GRM8: variants seen among roughly 807,000 people sequenced by gnomAD.
GRM8 encodes the protein metabotropic glutamate receptor 8.
GRM8 carries 47 observed loss-of-function variants against 87.2 expected under a neutral mutation model. The ratio of observed to expected loss-of-function variants is 0.54; its 90% confidence interval spans 0.43 to 0.69. The LOEUF is 0.69. Among genes scored for constraint, GRM8 ranks in the 30% least tolerant of loss-of-function variants. The probability of loss-of-function intolerance (pLI) is 0.00; values close to 1 mark genes in which losing one functional copy is unlikely to be tolerated. For missense variants in GRM8, 1,019 were observed against 1,139.2 expected, an observed-to-expected ratio of 0.89 and a Z score of 1.52; for synonymous variants, 396 against 404.5, an observed-to-expected ratio of 0.98 and a Z score of 0.25.
intron 7 of GRM8, among the ~76,000 whole-genome samples, chr7:126,656,277 G>A (rs1000885814): frequency 6.6e-6 from 1 of 152,190 alleles, no homozygotes; most frequent in African/African-American, 2.4e-5. Context: ...ATGTGAAGGA[G>A]GGGCTTAGGC....
chr7:126,594,042 G>C (rs776587826), intron 8 of GRM8, among the ~76,000 whole-genome samples: 1 of 151,978 alleles, frequency 6.6e-6, no homozygotes, highest in Non-Finnish European at 1.5e-5. Context: ...AAACCATAAT[G>C]AGGTATCACT....
intron 2 of GRM8, among the ~76,000 whole-genome samples, chr7:127,125,730 C>T (rs1827325769): frequency 1.4e-5 from 2 of 145,260 alleles, no homozygotes. Context: ...ATCAGGGGAC[C>T]AATATCCAGA....
Position 126,461,195 on chromosome 7 carries a change from ACAG to A in GRM8, c.2431-14826_2431-14824del, listed in dbSNP as rs376964918. Among the ~76,000 whole-genome samples the A allele has an allele frequency of 9.2e-5, 14 of 151,622 alleles. No homozygotes were observed. In the East Asian group the frequency reaches 2.5e-3, roughly 27 times the overall value. The stretch of plus-strand genomic sequence containing the variant: ...GCCCTGTGTTCTGTTGAGAATAAGG[ACAG>A]CAGATTACTCCTCTAATCACCAGTC... On this transcript the variant is annotated intron_variant, in intron 9 of 10. Transcript: ENST00000339582.
At chr7:126,925,712 A>G (rs1387208164) in intron 3 of GRM8, among the ~76,000 whole-genome samples, 1 of 152,172 alleles carries the variant, frequency 6.6e-6, no homozygotes, top group Non-Finnish European at 1.5e-5. Flanking sequence ...AGAACATTTG[A>G]TTTTGAACCT....
intron 6 of GRM8, among the ~76,000 whole-genome samples, chr7:126,898,988 T>A (rs897617894): frequency 1.3e-5 from 2 of 151,584 alleles, no homozygotes; most frequent in African/African-American, 4.9e-5. Flanking sequence ...GTCCATATGT[T>A]CTCATTGTTC....
chr7:127,251,118 TAGGGGACTTA>T (rs1200863974), intron 1 of GRM8: 3 of 152,148 alleles, frequency 2.0e-5, no homozygotes, highest in Non-Finnish European at 4.4e-5. Flanking sequence ...GGGACTTGCT[TAGGGGACTTA>T]AGGGTTTCTG....
At chr7:126,929,210 A>G (rs1805476177) in intron 3 of GRM8, among the ~76,000 whole-genome samples, 1 of 152,230 alleles carries the variant, frequency 6.6e-6, no homozygotes, top group Non-Finnish European at 1.5e-5. Flanking sequence ...AAAATAAGAT[A>G]GTCCAATGCC....
intron 2 of GRM8, among the ~76,000 whole-genome samples, chr7:127,241,464 T>C (rs1299460818): frequency 5.3e-5 from 8 of 150,816 alleles, no homozygotes; most frequent in African/African-American, 1.7e-4. Context: ...GACAGAGTCT[T>C]GCTCTGTTGC....
At position 126,775,479 on chromosome 7, in the gene GRM8, GTTTTT is replaced by G. The variant is rs372733476; in HGVS notation, c.1157-5419_1157-5415del. On this transcript the variant is annotated intron_variant, in intron 6 of 10. Transcript: ENST00000339582. ...TGAGCGCTATCAAGCTGACAAATAG[GTTTTT>G]TTTTTTTTTTTTTTTTTTTTTTTTA... Among the ~76,000 whole-genome samples the G allele has an allele frequency of 4.6e-3, 486 of 104,746 alleles. 5 individuals carry two copies. Among genetic ancestry groups the G allele is most frequent in the African/African-American group, 0.02 (456 of 23,046 alleles). 68.7% of individuals were successfully genotyped at this position (104,746 alleles called of 152,430 possible).
intron 7 of GRM8, among the ~76,000 whole-genome samples, chr7:126,699,650 T>G (rs931845610): frequency 6.6e-6 from 1 of 152,170 alleles, no homozygotes; most frequent in African/African-American, 2.4e-5. Context: ...TCTCCACCCC[T>G]GGAGCAATGG....
chr7:127,012,851 T>C (rs1020192158), intron 3 of GRM8, among the ~76,000 whole-genome samples: 1 of 152,202 alleles, frequency 6.6e-6, no homozygotes, highest in Non-Finnish European at 1.5e-5. Flanking sequence ...TTCCATTGTT[T>C]CTATCACAAA....
At chr7:127,251,811 G>C (rs1798891606) in intron 1 of GRM8, among the ~76,000 whole-genome samples, 1 of 152,120 alleles carries the variant, frequency 6.6e-6, no homozygotes, top group Non-Finnish European at 1.5e-5. Context: ...AGATCCCCGA[G>C]ACCTTTTCTC....
intron 8 of GRM8, among the ~76,000 whole-genome samples, chr7:126,608,744 C>T (rs1274335990): frequency 1.3e-5 from 2 of 149,666 alleles, no homozygotes; most frequent in African/African-American, 2.5e-5. Context: ...TGTGATGTGG[C>T]AAAAGTGATG....
chr7:126,976,361 C>T (rs1292561975), intron 3 of GRM8, among the ~76,000 whole-genome samples: 8 of 152,176 alleles, frequency 5.3e-5, no homozygotes, highest in South Asian at 2.1e-4. Flanking sequence ...TTTGGGAGGC[C>T]GAAGGGGGCG....
chr7:127,182,786 T>C (rs963942730), intron 2 of GRM8, among the ~76,000 whole-genome samples: 2 of 151,466 alleles, frequency 1.3e-5, no homozygotes, highest in African/African-American at 4.8e-5. Flanking sequence ...CTAAATGAAG[T>C]AACTCAAGAA....
rs913950101 is a variant in GRM8, at chr7:126,840,953, T to C, written c.1156+61589A>G. 2.0e-5 allele frequency among the ~76,000 whole-genome samples: 3 copies of C among 152,194 alleles called. No individual in the cohort carries two copies. The South Asian group carries it at 6.2e-4, about 31-fold the overall frequency. On this transcript the variant is annotated intron_variant, in intron 6 of 10. Coordinates refer to ENST00000339582, the MANE Select transcript of GRM8 (RefSeq NM_000845.3). Reference sequence around the variant, plus strand: ...ATTTTTGTGCAAATAGACATGTATATAAAGATTAAAGGCTCTGACAGAGCC... The same window carrying C: ...ATTTTTGTGCAAATAGACATGTATACAAAGATTAAAGGCTCTGACAGAGCC...
chr7:127,012,370 A>G (rs755353946), intron 3 of GRM8, among the ~76,000 whole-genome samples: 21 of 152,154 alleles, frequency 1.4e-4, no homozygotes, highest in Non-Finnish European at 1.3e-4. Context: ...AAAGAAGAGC[A>G]AGTCTCTCAG....
rs1442916746 is a variant in GRM8, at chr7:126,853,623, C to T, written c.1156+48919G>A. On this transcript the variant is annotated intron_variant, in intron 6 of 10. Transcript: ENST00000339582. ...TATAGACTTAAATTCGATATCATTG[C>T]ACCTTGATGAGCAACAAGTAGCTTA... 3.3e-5 allele frequency among the ~76,000 whole-genome samples: 5 copies of T among 151,516 alleles called. No homozygotes were observed. The East Asian group carries it at 9.7e-4, about 29-fold the overall frequency.
intron 3 of GRM8, among the ~76,000 whole-genome samples, chr7:127,027,506 T>A (rs779783742): frequency 1.5e-4 from 23 of 152,326 alleles, no homozygotes; most frequent in African/African-American, 5.0e-4. Flanking sequence ...TCTCTTTTAC[T>A]TCATCGATCA....
Sources: allele counts gnomAD v4.1 joint callset (sites outside exome capture counted in the v4.1 genomes callset), GRCh38; gene constraint gnomAD v4.1.1; transcripts MANE v1.5; gene names NCBI Gene and HGNC (gene_info 2026-07-23, HGNC 2026-07-21).